CASZ1: variants seen among roughly 807,000 people sequenced by gnomAD.
CASZ1 encodes the protein castor zinc finger 1.
A neutral mutation model predicts 135.2 loss-of-function variants in CASZ1; 28 were observed. That is an observed-to-expected ratio of 0.21 (90% CI 0.15 to 0.28). The LOEUF (loss-of-function observed/expected upper bound fraction) is 0.28. Among genes scored for constraint, CASZ1 ranks in the 10% least tolerant of loss-of-function variants. The pLI, the probability that CASZ1 is intolerant of heterozygous loss-of-function variation, is 1.00. For missense variants in CASZ1, 2,161 were observed against 2,453.3 expected (o/e 0.88, Z 2.52); for synonymous variants, 1,068 against 1,073.4 (o/e 0.99, Z 0.10).
rs11121627 is a variant in CASZ1 at position 10,796,635 on chromosome 1, C to T, written c.-305G>A. On this transcript the variant is annotated 5_prime_UTR_variant, in exon 1 of 21. Coordinates refer to ENST00000377022, the MANE Select transcript of CASZ1 (RefSeq NM_001079843.3). ...ATGTGTGTGTGTTTGGGATGGAGCG[C>T]CGCGGGCGCGCATGCGCTGCCCAAA... 0.4 allele frequency: 61,224 copies of T among 152,262 alleles called. 15,747 individuals carry two copies. The highest frequency in any genetic ancestry group is 0.58 in the Non-Finnish European group (39,145 of 67,994). The allele number at this position is 152,262 out of a possible 1,614,324, so 9.4% of individuals were successfully genotyped here. A position where few individuals can be genotyped will look rare whatever the true frequency, so the allele number is the denominator to read the frequency against.
intron 4 of CASZ1, among the ~76,000 whole-genome samples, chr1:10,680,285 T>TGGGGGGGGGGGGGGGGGG (rs1557500162): frequency 2.2e-5 from 2 of 92,670 alleles, no homozygotes; most frequent in Non-Finnish European, 2.1e-5. Context: ...CGGCGGGGGA[T>TGGGGGGGGGGGGGGGGGG]GGTGGAGGGG....
chr1:10,728,894 A>C (rs1294897210), intron 2 of CASZ1, among the ~76,000 whole-genome samples: 2 of 152,148 alleles, frequency 1.3e-5, no homozygotes, highest in African/African-American at 4.8e-5. Context: ...CGGGGGCCGC[A>C]GGCCCTTTGT....
rs968973588 is a variant in CASZ1 at position 10,735,594 on chromosome 1, G to A, written c.-77+25107C>T. Among the ~76,000 whole-genome samples the A allele has an allele frequency of 1.3e-5, 2 of 152,306 alleles. No homozygotes were observed. The highest frequency in any genetic ancestry group is 2.4e-5 in the African/African-American group (1 of 41,560). ...CTGGTGCCTCTTAGCCAAGTGCCACGGACAGAAGTTTTGCCTTTACCCATC... is the reference window on the plus strand; with the variant it reads ...CTGGTGCCTCTTAGCCAAGTGCCACAGACAGAAGTTTTGCCTTTACCCATC... On this transcript the variant is annotated intron_variant, in intron 2 of 20. Coordinates refer to ENST00000377022, the MANE Select transcript of CASZ1 (RefSeq NM_001079843.3). The surrounding 1 kb of genome is among the most constrained non-coding windows in gnomAD (Gnocchi z 5.1).
Position 10,647,457 on chromosome 1 carries a change from G to C in CASZ1, c.3497+344C>G. The C allele has an allele frequency of 8.3e-7, 1 of 1,205,066 alleles. No individual in the cohort carries two copies. Among genetic ancestry groups the C allele is most frequent in the South Asian group, 1.8e-5 (1 of 56,158 alleles). 74.6% of individuals were successfully genotyped at this position (1,205,066 alleles called of 1,614,324 possible). A position where few individuals can be genotyped will look rare whatever the true frequency, so the allele number is the denominator to read the frequency against. On this transcript the variant is annotated intron_variant, in intron 16 of 20. Coordinates refer to ENST00000377022, the MANE Select transcript of CASZ1 (RefSeq NM_001079843.3). The surrounding 1 kb of genome is among the most constrained non-coding windows in gnomAD (Gnocchi z 4.9). The stretch of plus-strand genomic sequence containing the variant: ...ACAGAGGAGGCCAATACGGAGGCTC[G>C]GAGGGAGACGCAGCCCTCCTTGTCA...
In CASZ1 at chr1:10,658,547, A is replaced by T. The variant is rs1366218464; in HGVS notation, c.1370T>A (p.Val457Asp). 11 of 1,613,972 alleles carry T rather than the reference A, an allele frequency of 6.8e-6. No individual in the cohort carries two copies. The highest frequency in any genetic ancestry group is 1.7e-5 in the Admixed American group (1 of 60,008). Residue 457 changes from valine (V) to aspartate (D), a missense_variant, in exon 7 of 21, where the codon GTC becomes GAC. Physicochemically the swap from Val to Asp is radical, Grantham distance 152. Around this residue, in one of 7 missense-constraint regions of CASZ1, gnomAD observed 248 missense variants for 410.8 expected, o/e 0.60. Transcript: ENST00000377022. ...CTGGTAAATGTTTACATCTTCAGTGACGGCTGGTTTATCTGTGGGCAGTCC... is the reference window on the plus strand; with the variant it reads ...CTGGTAAATGTTTACATCTTCAGTGTCGGCTGGTTTATCTGTGGGCAGTCC... Reference protein sequence around the residue: ...KNGLPTDKPAVTEDVNIYQKY... With the variant: ...KNGLPTDKPADTEDVNIYQKY...
intron 4 of CASZ1, among the ~76,000 whole-genome samples, chr1:10,687,466 C>T (rs1328567982): frequency 6.6e-6 from 1 of 152,244 alleles, no homozygotes; most frequent in Non-Finnish European, 1.5e-5. Context: ...AGCAGATGCC[C>T]CGGCCAGGAG....
chr1:10,779,278 A>G (rs1287254110), intron 1 of CASZ1, among the ~76,000 whole-genome samples: 1 of 117,092 alleles, frequency 8.5e-6, no homozygotes. Context: ...ATAATTTTAT[A>G]ATTTTTTTTT....
rs186693667 is a variant in CASZ1 at position 10,777,595 on chromosome 1, C to T, written c.-233-16738G>A. Among the ~76,000 whole-genome samples the T allele has an allele frequency of 6.6e-6, 1 of 152,248 alleles. No individual in the cohort carries two copies. The highest frequency in any genetic ancestry group is 1.9e-4 in the East Asian group (1 of 5,186). On this transcript the variant is annotated intron_variant, in intron 1 of 20. Transcript: ENST00000377022. The surrounding 1 kb of genome is among the most constrained non-coding windows in gnomAD (Gnocchi z 4.4). ...TACAACGAGGGGGAAAGAAGCGACA[C>T]ACAAAAACACAACCACACACACAAA...
rs183295308 is a variant in CASZ1 at position 10,709,964 on chromosome 1, C to A, written c.-76-4420G>T. Among the ~76,000 whole-genome samples the A allele has an allele frequency of 7.6e-4, 116 of 152,274 alleles. 1 individual carries two copies. Among genetic ancestry groups the A allele is most frequent in the African/African-American group, 2.7e-3 (111 of 41,564 alleles). On this transcript the variant is annotated intron_variant, in intron 2 of 20. Coordinates refer to ENST00000377022, the MANE Select transcript of CASZ1 (RefSeq NM_001079843.3). This position sits in a 1 kb window ranked among gnomAD's most constrained non-coding sequence, Gnocchi z 5.1. ...GGGGTGGCTGTCCAGACCCCGGAGTCGGAGCAGGCCTCCGGATTGGCTCTG... is the reference window on the plus strand; with the variant it reads ...GGGGTGGCTGTCCAGACCCCGGAGTAGGAGCAGGCCTCCGGATTGGCTCTG...
chr1:10,738,918 GTTTTTTTTTTTTT>G (rs752101102), intron 2 of CASZ1, among the ~76,000 whole-genome samples: 3 of 69,176 alleles, frequency 4.3e-5, no homozygotes, highest in African/African-American at 1.8e-4. Flanking sequence ...ATGAAGGAAG[GTTTTTTTTTTTTT>G]TTTTTTTTTT....
chr1:10,729,591 C>T lies in CASZ1; in HGVS notation c.-76-24047G>A, dbSNP rs534607155. On this transcript the variant is annotated intron_variant, in intron 2 of 20. Coordinates refer to ENST00000377022, the MANE Select transcript of CASZ1 (RefSeq NM_001079843.3). ...GGGGAGCAGTTCGCAAAGCGTGGTCCGCAGGCCTCTTCCCGAGACCCTCTC... is the reference window on the plus strand; with the variant it reads ...GGGGAGCAGTTCGCAAAGCGTGGTCTGCAGGCCTCTTCCCGAGACCCTCTC... Among the ~76,000 whole-genome samples the T allele has an allele frequency of 5.3e-5, 8 of 152,324 alleles. No homozygotes were observed. In the South Asian group the frequency reaches 1.4e-3, roughly 28 times the overall value.
chr1:10,650,680 G>A lies in CASZ1; in HGVS notation c.2880+12C>T, dbSNP rs1256179696. The A allele has an allele frequency of 6.2e-7, 1 of 1,610,440 alleles. No homozygotes were observed. Among genetic ancestry groups the A allele is most frequent in the African/African-American group, 1.3e-5 (1 of 74,958 alleles). ...GTGGGGGAACGGGAGGCGTGTGATG[G>A]ATGGCTCTTACCTTATTCATAAGCG... is the stretch of plus-strand genomic sequence containing the variant. On this transcript the variant is annotated intron_variant, in intron 13 of 20. Transcript: ENST00000377022.
chr1:10,656,711 G>A lies in CASZ1; in HGVS notation c.1435C>T (p.His479Tyr), dbSNP rs1223831279. Residue 479 changes from histidine to tyrosine, a missense_variant, in exon 8 of 21, where the codon CAC (histidine) becomes TAC (tyrosine). Around this residue, in one of 7 missense-constraint regions of CASZ1, gnomAD observed 248 missense variants for 410.8 expected, o/e 0.60. Coordinates refer to ENST00000377022, the MANE Select transcript of CASZ1 (RefSeq NM_001079843.3). ...ARFSGSQHCG[H>Y]IHCAYQYREH... ...CGGTACTGGTAGGCACAGTGGATGT[G>A]GCCACAGTGCTGGCTGCCCGAGAAC... 6.2e-7 allele frequency: 1 copy of A among 1,600,788 alleles called. No homozygotes were observed. Among genetic ancestry groups the A allele is most frequent in the East Asian group, 2.3e-5 (1 of 44,428 alleles).
intron 18 of CASZ1, among the ~76,000 whole-genome samples, chr1:10,644,521 G>A (rs948578483): frequency 2.6e-5 from 4 of 152,286 alleles, no homozygotes; most frequent in East Asian, 1.9e-4. Context: ...AGCTCACTGC[G>A]GACAAAAACC....
intron 4 of CASZ1, 136 bp from the exon 5 acceptor site, chr1:10,665,707 G>A: frequency 2.1e-6 from 2 of 953,406 alleles, no homozygotes; most frequent in South Asian, 1.8e-5. Flanking sequence ...CCCTGAGACT[G>A]CCTGGCATGT....
At chr1:10,783,242 G>A (rs542342380) in intron 1 of CASZ1, among the ~76,000 whole-genome samples, 6 of 112,094 alleles carry the variant, frequency 5.4e-5, no homozygotes, top group Admixed American at 3.7e-4. Context: ...TAGGCCAGTG[G>A]AGAAGTGTGT....
At position 10,741,462 on chromosome 1, in the gene CASZ1, A is replaced by T. The variant is rs1026889361; in HGVS notation, c.-77+19239T>A. 6.6e-6 allele frequency among the ~76,000 whole-genome samples: 1 copy of T among 152,168 alleles called. No individual in the cohort carries two copies. Among genetic ancestry groups the T allele is most frequent in the African/African-American group, 2.4e-5 (1 of 41,432 alleles). On this transcript the variant is annotated intron_variant, in intron 2 of 20. Coordinates refer to ENST00000377022, the MANE Select transcript of CASZ1 (RefSeq NM_001079843.3). This position sits in a 1 kb window ranked among gnomAD's most constrained non-coding sequence, Gnocchi z 5.0. ...CCCAGGCTGAGGGTGCTCAGCGCAC[A>T]CAGCTCTCCAGTAAAGATGAGCATG...
In CASZ1 at chr1:10,757,590, C is replaced by A. The variant is rs1640283682; in HGVS notation, c.-77+3111G>T. On this transcript the variant is annotated intron_variant, in intron 2 of 20. Coordinates refer to ENST00000377022, the MANE Select transcript of CASZ1 (RefSeq NM_001079843.3). The surrounding 1 kb of genome is among the most constrained non-coding windows in gnomAD (Gnocchi z 4.6). ...ATCACTTGAGGTTAGGAGTTTGAGA[C>A]CAGCCTGGCCAACATGGTGAAACCC... Among the ~76,000 whole-genome samples the A allele has an allele frequency of 6.6e-6, 1 of 152,186 alleles. No individual in the cohort carries two copies. Among genetic ancestry groups the A allele is most frequent in the African/African-American group, 2.4e-5 (1 of 41,444 alleles).
chr1:10,693,441 T>TA (rs1165102040), intron 4 of CASZ1, among the ~76,000 whole-genome samples: 7 of 70,680 alleles, frequency 9.9e-5, no homozygotes, highest in African/African-American at 3.4e-4. Flanking sequence ...CACCCCCCAC[T>TA]AAAAAAATAA....
Sources: allele counts gnomAD v4.1 joint callset (sites outside exome capture counted in the v4.1 genomes callset), GRCh38; gene constraint gnomAD v4.1.1; regional missense constraint gnomAD v4.1.1; non-coding constraint Gnocchi (gnomAD v3.1); transcripts MANE v1.5; gene names NCBI Gene and HGNC (gene_info 2026-07-23, HGNC 2026-07-21).